The following TNRC18 variants were observed in gnomAD, a reference collection of about 807,000 sequenced individuals.
The protein encoded by TNRC18 is trinucleotide repeat containing 18.
A neutral mutation model predicts 226.7 loss-of-function variants in TNRC18; 69 were observed. The observed-to-expected ratio is 0.30, with a 90% CI of 0.25 to 0.37. The LOEUF (loss-of-function observed/expected upper bound fraction) is 0.37, where lower values mean the gene tolerates loss of function less well. Among genes scored for constraint, TNRC18 ranks in the 10% least tolerant of loss-of-function variants. The pLI, the probability that TNRC18 is intolerant of heterozygous loss-of-function variation, is 1.00. For missense variants in TNRC18, 4,754 were observed against 4,256.6 expected (o/e 1.12, Z -3.25); for synonymous variants, 2,449 against 1,927.6 (o/e 1.27, Z -7.09).
At chr7:5,366,729 G>A (rs1034811732) in intron 11 of TNRC18, among the ~76,000 whole-genome samples, 1 of 152,068 alleles carries the variant, frequency 6.6e-6, no homozygotes, top group Admixed American at 6.6e-5. Flanking sequence ...CCATACCCCC[G>A]CCTCGAGGTC....
intron 19 of TNRC18, among the ~76,000 whole-genome samples, chr7:5,331,449 C>G (rs1789509136): frequency 6.6e-6 from 1 of 152,080 alleles, no homozygotes; most frequent in African/African-American, 2.4e-5. Context: ...TGCATTTTCA[C>G]ATTTTAACCT....
intron 2 of TNRC18, among the ~76,000 whole-genome samples, chr7:5,395,174 G>A (rs1313148893): frequency 6.6e-6 from 1 of 152,214 alleles, no homozygotes; most frequent in East Asian, 1.9e-4. Flanking sequence ...CACACAGCCA[G>A]AAAGCAGGGA....
At chr7:5,346,821 TGGA>T (rs1292534237) in intron 17 of TNRC18, among the ~76,000 whole-genome samples, 1 of 152,064 alleles carries the variant, frequency 6.6e-6, no homozygotes, top group Non-Finnish European at 1.5e-5. Flanking sequence ...ATCATTTGCA[TGGA>T]GGAGAAAGCC....
intron 2 of TNRC18, among the ~76,000 whole-genome samples, chr7:5,400,323 T>C (rs1379311984): frequency 2.0e-5 from 3 of 151,952 alleles, no homozygotes; most frequent in Non-Finnish European, 2.9e-5. Flanking sequence ...AAAACAAAAA[T>C]TCAGAGCTGG....
chr7:5,345,517 GCCCCTCCCAC>G, intron 18 of TNRC18, 35 bp downstream of exon 18: 5 of 377,740 alleles, frequency 1.3e-5, no homozygotes, highest in South Asian at 4.4e-5. Context: ...AATGGCGTCC[GCCCCTCCCAC>G]CCACCCCCAC....
chr7:5,350,846 T>G (rs1791723274), intron 17 of TNRC18, among the ~76,000 whole-genome samples: 1 of 152,096 alleles, frequency 6.6e-6, no homozygotes, highest in Non-Finnish European at 1.5e-5. Flanking sequence ...AGCACGATGC[T>G]CCGTCCCTTG....
At chr7:5,345,863 AC>A in intron 17 of TNRC18, 53 bp from the exon 18 acceptor site, 4 of 1,497,542 alleles carry the variant, frequency 2.7e-6, no homozygotes, top group East Asian at 2.5e-5. Flanking sequence ...GGCGAGGGCC[AC>A]CCCCCACCGC....
At chr7:5,344,841 C>T (rs370076241) in intron 18 of TNRC18, among the ~76,000 whole-genome samples, 6 of 152,090 alleles carry the variant, frequency 3.9e-5, no homozygotes, top group Non-Finnish European at 5.9e-5. Context: ...GGAGGGCCCA[C>T]GAGAGGGTCC....
Position 5,388,903 on chromosome 7 carries a change from C to T in TNRC18, c.921G>A (p.Glu307=). 3.7e-6 allele frequency: 5 copies of T among 1,363,540 alleles called. No homozygotes were observed. Among genetic ancestry groups the T allele is most frequent in the African/African-American group, 1.6e-5 (1 of 63,416 alleles). The allele number at this position is 1,363,540 out of a possible 1,614,324, so 84.5% of individuals were successfully genotyped here. A position where few individuals can be genotyped will look rare whatever the true frequency, so the allele number is the denominator to read the frequency against. Residue 307 remains glutamate (E), a synonymous_variant, in exon 5 of 30, where the codon GAG becomes GAA. Transcript: ENST00000430969. The part of the protein sequence containing the change: ...VAEAGRGGAK[E]AARQDEGARL... ...GCGCGCCCTCGTCCTGCCGGGCAGC[C>T]TCCTTGGCACCCCCGCGCCCCGCTT...
At chr7:5,321,918 C>T (rs1788407957) in intron 21 of TNRC18, among the ~76,000 whole-genome samples, 1 of 151,894 alleles carries the variant, frequency 6.6e-6, no homozygotes, top group African/African-American at 2.4e-5. Context: ...GTGATCCACC[C>T]TCCTCAGCCT....
chr7:5,369,297 C>T (rs1433337684), intron 11 of TNRC18, among the ~76,000 whole-genome samples: 2 of 151,942 alleles, frequency 1.3e-5, no homozygotes, highest in Non-Finnish European at 2.9e-5. Context: ...TGCAGTGAGC[C>T]GAGATGACAC....
chr7:5,337,690 A>C (rs1790266573), intron 18 of TNRC18, among the ~76,000 whole-genome samples: 1 of 152,176 alleles, frequency 6.6e-6, no homozygotes, highest in African/African-American at 2.4e-5. Flanking sequence ...TAAATGATTA[A>C]AACTAAGTTT....
intron 11 of TNRC18, among the ~76,000 whole-genome samples, chr7:5,366,191 T>A (rs1201218051): frequency 6.6e-6 from 1 of 152,036 alleles, no homozygotes; most frequent in Admixed American, 6.6e-5. Flanking sequence ...GCTGAGTCCC[T>A]GCCTTTACCC....
chr7:5,340,750 A>G (rs1314442596), intron 18 of TNRC18, among the ~76,000 whole-genome samples: 1 of 151,050 alleles, frequency 6.6e-6, no homozygotes, highest in Non-Finnish European at 1.5e-5. Context: ...CTCAGAGAAA[A>G]AAAAAAAAAG....
At chr7:5,400,801 G>C (rs1584076925) in intron 2 of TNRC18, among the ~76,000 whole-genome samples, 1 of 152,104 alleles carries the variant, frequency 6.6e-6, no homozygotes, top group East Asian at 1.9e-4. Flanking sequence ...CACTACCAGA[G>C]GTCAAGGTGG....
chr7:5,324,367 A>C lies in TNRC18; in HGVS notation c.6301-12T>G. ...CCCTTGCCGCGGTTCTGGGGACAGAACATGGCCGACAAATGACTTAGGACC... is the reference window on the plus strand; with the variant it reads ...CCCTTGCCGCGGTTCTGGGGACAGACCATGGCCGACAAATGACTTAGGACC... On this transcript the variant is annotated splice_polypyrimidine_tract_variant and intron_variant, in intron 20 of 29. Transcript: ENST00000430969. This position sits in a 1 kb window ranked among gnomAD's most constrained non-coding sequence, Gnocchi z 4.8. The C allele has an allele frequency of 1.2e-6, 2 of 1,612,754 alleles. No homozygotes were observed. The highest frequency in any genetic ancestry group is 1.7e-6 in the Non-Finnish European group (2 of 1,179,648).
chr7:5,400,430 T>G (rs1187841026), intron 2 of TNRC18, among the ~76,000 whole-genome samples: 1 of 151,794 alleles, frequency 6.6e-6, no homozygotes, highest in Admixed American at 6.6e-5. Flanking sequence ...ACCAACATGG[T>G]GAAACTCCGT....
At position 5,404,779 on chromosome 7, in the gene TNRC18, T is replaced by TGTGG. The variant is rs749352096; in HGVS notation, c.188-10185_188-10184insCCAC. 2.6e-5 allele frequency among the ~76,000 whole-genome samples: 4 copies of TGTGG among 151,634 alleles called. No homozygotes were observed. In the South Asian group the frequency reaches 8.3e-4, roughly 32 times the overall value. On this transcript the variant is annotated intron_variant, in intron 2 of 29. Coordinates refer to ENST00000430969, the MANE Select transcript of TNRC18 (RefSeq NM_001080495.3). ...CACACTTTCAGTGTGTGTGTGTGTGTGTGTGTGTGTGTGTATAAAATGAAA... is the reference window on the plus strand; with the variant it reads ...CACACTTTCAGTGTGTGTGTGTGTGTGTGGGTGTGTGTGTGTGTATAAAATGAAA...
intron 10 of TNRC18, 136 bp from the exon 11 acceptor site, chr7:5,371,500 G>GT: frequency 1.7e-6 from 2 of 1,169,298 alleles, no homozygotes; most frequent in Non-Finnish European, 2.3e-6. Flanking sequence ...GGTGGGAGCT[G>GT]TTCTAGGTGG....
Sources: gnomAD v4.1 joint callset for allele counts (sites outside exome capture counted in the v4.1 genomes callset) on GRCh38, gnomAD v4.1.1 for gene constraint, Gnocchi (gnomAD v3.1) non-coding constraint, MANE v1.5 for transcripts, NCBI Gene and HGNC (gene_info 2026-07-23, HGNC 2026-07-21) for gene names.